The following CCDC102A variants were observed in gnomAD, a reference collection of about 807,000 sequenced individuals.
The protein encoded by CCDC102A is coiled-coil domain-containing protein 102A.
Under a neutral mutation model 55.5 loss-of-function variants are expected in CCDC102A, and 40 were observed. The observed-to-expected ratio is 0.72, with a 90% CI of 0.56 to 0.94. The LOEUF (loss-of-function observed/expected upper bound fraction) is 0.94. Ranked by LOEUF, CCDC102A falls within the 40% of genes least tolerant of loss-of-function variation. CCDC102A has a pLI of 0.00. For missense variants in CCDC102A, 779 were observed against 768.6 expected, an observed-to-expected ratio of 1.01 and a Z score of -0.16; for synonymous variants, 323 against 339.0, an observed-to-expected ratio of 0.95 and a Z score of 0.52.
At chr16:57,513,697 G>C (rs1162007437) in intron 8 of CCDC102A, among the ~76,000 whole-genome samples, 5 of 152,244 alleles carry the variant, frequency 3.3e-5, no homozygotes, top group African/African-American at 9.6e-5. Flanking sequence ...AGGCTAAGTG[G>C]TCTTTTGAAG....
intron 1 of CCDC102A, among the ~76,000 whole-genome samples, chr16:57,531,558 T>C (rs2032263743): frequency 6.6e-6 from 1 of 152,142 alleles, no homozygotes; most frequent in Non-Finnish European, 1.5e-5. Context: ...TGAGTTCTTG[T>C]AAGAACCTGA....
chr16:57,528,478 T>A, intron 2 of CCDC102A, 115 bp downstream of exon 2: 3 of 765,120 alleles, frequency 3.9e-6, no homozygotes, highest in Non-Finnish European at 3.3e-6. Flanking sequence ...CCTGGAGAAG[T>A]GAAACCTCCA....
rs117908579 is a variant in CCDC102A at position 57,514,079 on chromosome 16, C to T, written c.1524-1209G>A. 1.0e-3 allele frequency among the ~76,000 whole-genome samples: 158 copies of T among 152,306 alleles called. 6 individuals carry two copies. The South Asian group carries it at 0.031, about 29-fold the overall frequency. On this transcript the variant is annotated intron_variant, in intron 8 of 8. Transcript: ENST00000258214. ...TCTTTCCTTTCTCTCATAGAAGCAGCGTGATGCTGATGCACAACATGTAAC... is the reference window on the plus strand; with the variant it reads ...TCTTTCCTTTCTCTCATAGAAGCAGTGTGATGCTGATGCACAACATGTAAC...
intron 8 of CCDC102A, among the ~76,000 whole-genome samples, chr16:57,513,161 G>T (rs1449342675): frequency 1.3e-5 from 2 of 152,224 alleles, no homozygotes; most frequent in African/African-American, 4.8e-5. Flanking sequence ...GGTTAGAGAG[G>T]TGAAGGAGCT....
chr16:57,533,509 C>A (rs2032311058), intron 1 of CCDC102A, among the ~76,000 whole-genome samples: 2 of 151,480 alleles, frequency 1.3e-5, no homozygotes, highest in Non-Finnish European at 3.0e-5. Context: ...GACCCGCACT[C>A]ACACACAGCC....
At position 57,518,667 on chromosome 16, in the gene CCDC102A, T is replaced by C; in HGVS notation, c.996A>G (p.Ala332=). 6.2e-7 allele frequency: 1 copy of C among 1,613,890 alleles called. No homozygotes were observed. The highest frequency in any genetic ancestry group is 8.5e-7 in the Non-Finnish European group (1 of 1,179,962). Residue 332 remains alanine (A), a synonymous_variant, in exon 5 of 9, where the codon GCA becomes GCG. Transcript: ENST00000258214. ...MSEDLEDELG[A]RSSMDRKMAE... ...CCATTTTCCGGTCCATGCTGGAGCG[T>C]GCACCGAGCTCATCTTCCAGGTCCT...
At position 57,512,632 on chromosome 16, in the gene CCDC102A, C is replaced by T; in HGVS notation, c.*109G>A. The T allele has an allele frequency of 7.3e-7, 1 of 1,371,110 alleles. No individual in the cohort carries two copies. Among genetic ancestry groups the T allele is most frequent in the Non-Finnish European group, 9.8e-7 (1 of 1,016,546 alleles). The allele number at this position is 1,371,110 out of a possible 1,614,324, so 84.9% of individuals were successfully genotyped here. A position where few individuals can be genotyped will look rare whatever the true frequency, so the allele number is the denominator to read the frequency against. ...TGGGAGAGAAGAAAGTCGGCTGTGGCAGGGACTGGTCCCAGAGTGAGCCTA... is the reference window on the plus strand; with the variant it reads ...TGGGAGAGAAGAAAGTCGGCTGTGGTAGGGACTGGTCCCAGAGTGAGCCTA... On this transcript the variant is annotated 3_prime_UTR_variant, in exon 9 of 9. Transcript: ENST00000258214.
intron 6 of CCDC102A, 88 bp downstream of exon 6, chr16:57,517,980 C>T (rs28536001): frequency 0.21 from 298,467 of 1,394,250 alleles, 34,324 homozygotes; most frequent in African/African-American, 0.35. Context: ...ATAATTATCA[C>T]CAGGCCTGAC....
chr16:57,518,438 G>A (rs1415123301), intron 5 of CCDC102A, among the ~76,000 whole-genome samples, 161 bp from the exon 6 acceptor site: 3 of 152,258 alleles, frequency 2.0e-5, no homozygotes, highest in Non-Finnish European at 4.4e-5. Context: ...TGTACAGGAT[G>A]TGAGGGCGCT....
intron 7 of CCDC102A, among the ~76,000 whole-genome samples, chr16:57,515,854 C>A (rs562977582): frequency 6.6e-6 from 1 of 151,500 alleles, no homozygotes; most frequent in Non-Finnish European, 1.5e-5. Context: ...CCCGGACACA[C>A]CTATCTTCCC....
rs150669592 is a variant in CCDC102A, at chr16:57,512,529, C to CGCGCGT, written c.*211_*212insACGCGC. 2,775 of 475,662 alleles carry CGCGCGT rather than the reference C, an allele frequency of 5.8e-3. 60 individuals carry two copies. Among genetic ancestry groups the CGCGCGT allele is most frequent in the African/African-American group, 0.055 (2,464 of 45,122 alleles). The allele number at this position is 475,662 out of a possible 1,614,324, so 29.5% of individuals were successfully genotyped here. ...TTCTGGGTGTGCGCGCGCGCGCGCG[C>CGCGCGT]GTGTGTGTATATATATATATAAAAC... On this transcript the variant is annotated 3_prime_UTR_variant, in exon 9 of 9. Coordinates refer to ENST00000258214, the MANE Select transcript of CCDC102A (RefSeq NM_033212.4).
chr16:57,526,844 TTC>T (rs1303645565), intron 2 of CCDC102A, among the ~76,000 whole-genome samples: 1 of 152,196 alleles, frequency 6.6e-6, no homozygotes, highest in African/African-American at 2.4e-5. Flanking sequence ...AGAGCTACTC[TTC>T]TGTTTCTCAG....
In CCDC102A at chr16:57,516,273, T is replaced by A. The variant is rs2031953201; in HGVS notation, c.1419+20A>T. The stretch of plus-strand genomic sequence containing the variant: ...CCTGGCCAAGGTCTGTTGCTGCCCC[T>A]GCCCCTCTGTGGTCCTCACCTCGTC... On this transcript the variant is annotated intron_variant, in intron 7 of 8. Coordinates refer to ENST00000258214, the MANE Select transcript of CCDC102A (RefSeq NM_033212.4). The surrounding 1 kb of genome is among the most constrained non-coding windows in gnomAD (Gnocchi z 4.4). 6.3e-7 allele frequency: 1 copy of A among 1,599,104 alleles called. No homozygotes were observed. Among genetic ancestry groups the A allele is most frequent in the Non-Finnish European group, 8.5e-7 (1 of 1,177,860 alleles).
At chr16:57,536,114 G>A (rs2032378179) in intron 1 of CCDC102A, among the ~76,000 whole-genome samples, 1 of 152,148 alleles carries the variant, frequency 6.6e-6, no homozygotes, top group Admixed American at 6.5e-5. Flanking sequence ...AGGGCGCCGT[G>A]CTCTGATTGG....
chr16:57,518,638 T>C lies in CCDC102A; in HGVS notation c.1025A>G (p.Glu342Gly). ...ARSSMDRKMA[E>G]LRGEMERLQA... ...CCATGGCCTCACCTCGCCCCTCAGC[T>C]CGGCCATTTTCCGGTCCATGCTGGA... Residue 342 changes from glutamate to glycine, a missense_variant, in exon 5 of 9, where the codon GAG becomes GGG. Physicochemically the swap from Glu to Gly is moderately conservative, Grantham distance 98. Transcript: ENST00000258214. 1 of 1,613,334 alleles carries C rather than the reference T, an allele frequency of 6.2e-7. No homozygotes were observed. The highest frequency in any genetic ancestry group is 8.5e-7 in the Non-Finnish European group (1 of 1,179,664).
At chr16:57,522,146 T>C (rs1197998109) in intron 3 of CCDC102A, among the ~76,000 whole-genome samples, 1 of 152,248 alleles carries the variant, frequency 6.6e-6, no homozygotes, top group East Asian at 1.9e-4. Context: ...CATTCTGATT[T>C]ACATTGAAAC....
In CCDC102A at chr16:57,528,977, G is replaced by A; in HGVS notation, c.201C>T (p.Gly67=). 3 of 1,264,574 alleles carry A rather than the reference G, an allele frequency of 2.4e-6. No individual in the cohort carries two copies. The highest frequency in any genetic ancestry group is 1.7e-5 in the South Asian group (1 of 59,800). The allele number at this position is 1,264,574 out of a possible 1,614,324, so 78.3% of individuals were successfully genotyped here. Residue 67 remains glycine (G), a synonymous_variant, in exon 2 of 9, where the codon GGC becomes GGT. Transcript: ENST00000258214. The part of the protein sequence containing the change: ...LPPAPALLAD[G]DWESREELRL... ...GCAGCTCCTCGCGGCTCTCCCAGTC[G>A]CCGTCGGCCAGCAGCGCGGGCGCGG...
chr16:57,536,706 C>G (rs2032401663), upstream of CCDC102A: 1 of 152,204 alleles, frequency 6.6e-6, no homozygotes, highest in Non-Finnish European at 1.5e-5. Flanking sequence ...GCCCACCGAG[C>G]TGCTGGGGTG....
intron 3 of CCDC102A, among the ~76,000 whole-genome samples, chr16:57,522,888 T>C (rs554439391): frequency 8.5e-5 from 13 of 152,358 alleles, no homozygotes; most frequent in Admixed American, 7.2e-4. Context: ...ACTTTCAGGC[T>C]GGGCGCAGTG....
Sources: gnomAD v4.1 joint callset for allele counts (sites outside exome capture counted in the v4.1 genomes callset) on GRCh38, gnomAD v4.1.1 for gene constraint, Gnocchi (gnomAD v3.1) non-coding constraint, MANE v1.5 for transcripts, NCBI Gene and HGNC (gene_info 2026-07-23, HGNC 2026-07-21) for gene names.